ESCO2: variants seen among roughly 807,000 people sequenced by gnomAD.
The protein encoded by ESCO2 is establishment of sister chromatid cohesion N-acetyltransferase 2.
A neutral mutation model predicts 61.7 loss-of-function variants in ESCO2; 51 were observed. The ratio of observed to expected loss-of-function variants is 0.83; its 90% CI spans 0.66 to 1.04. ESCO2 has a LOEUF of 1.04. Ranked by LOEUF, ESCO2 falls within the 50% of genes least tolerant of loss-of-function variation. The pLI, the probability that ESCO2 is intolerant of heterozygous loss-of-function variation, is 0.00. For synonymous variants in ESCO2, 230 were observed against 238.2 expected (o/e 0.97, Z 0.32); for missense variants, 692 against 686.2 (o/e 1.01, Z -0.09).
intron 3 of ESCO2, 79 bp from the exon 4 acceptor site, chr8:27,780,095 A>G (rs1804890032): frequency 4.9e-6 from 4 of 817,556 alleles, no homozygotes; most frequent in Admixed American, 2.1e-5. Context: ...TGTTTTAGAA[A>G]TAGATCTGCT....
At chr8:27,816,359 T>TATATATATATATA (rs1563489324), downstream of ESCO2, among the ~76,000 whole-genome samples, 1,498 of 126,192 alleles carry the variant, frequency 0.012, 14 homozygotes, top group Middle Eastern at 0.027. Context: ...ATATATATAT[T>TATATATATATATA]TATTTATTTA....
chr8:27,798,461 TA>T (rs34991890), intron 9 of ESCO2, among the ~76,000 whole-genome samples: 59,167 of 146,328 alleles, frequency 0.4, 11,988 homozygotes, highest in East Asian at 0.61. Flanking sequence ...TCCGTCTCTT[TA>T]AAAAAAAAAA....
chr8:27,804,550 T>A lies in ESCO2; in HGVS notation c.*1112T>A, dbSNP rs1805521248. 1 of 985,338 alleles carries A rather than the reference T, an allele frequency of 1.0e-6. No homozygotes were observed. Among genetic ancestry groups the A allele is most frequent in the Admixed American group, 6.1e-5 (1 of 16,268 alleles). The allele number at this position is 985,338 out of a possible 1,614,324, so 61.0% of individuals were successfully genotyped here. On this transcript the variant is annotated 3_prime_UTR_variant, in exon 11 of 11. Coordinates refer to ENST00000305188, the MANE Select transcript of ESCO2 (RefSeq NM_001017420.3). ...TGTTCACACATTTTTCTAGTGTAAT[T>A]CTTGGATACTTTAAAAAGCAAAACA...
chr8:27,788,052 G>T (rs147574278), intron 6 of ESCO2, 50 bp downstream of exon 6: 3 of 1,338,340 alleles, frequency 2.2e-6, no homozygotes, highest in Middle Eastern at 1.8e-4. Flanking sequence ...TTGCAGAAAA[G>T]CTTGCCAACC....
chr8:27,793,485 T>G (rs866480145), intron 9 of ESCO2, among the ~76,000 whole-genome samples: 2,853 of 151,150 alleles, frequency 0.019, 93 homozygotes, highest in African/African-American at 0.065. Context: ...CTTTGTTTTT[T>G]TTTTTTTTTT....
chr8:27,782,460 C>T lies in ESCO2; in HGVS notation c.956-1540C>T, dbSNP rs140033848. 7.9e-3 allele frequency among the ~76,000 whole-genome samples: 1,203 copies of T among 152,230 alleles called. 13 individuals are homozygous for T. Among genetic ancestry groups the T allele is most frequent in the African/African-American group, 0.027 (1,131 of 41,534 alleles). On this transcript the variant is annotated intron_variant, in intron 4 of 10. Coordinates refer to ENST00000305188, the MANE Select transcript of ESCO2 (RefSeq NM_001017420.3). ...TGTATTTTTAGTAGAGACGGGGTTT[C>T]GCCACGTTGGGCAGGGTGGTCTCAA...
downstream of ESCO2, chr8:27,811,173 A>C: frequency 6.2e-7 from 1 of 1,606,336 alleles, no homozygotes. Context: ...AGGAGCTACA[A>C]ATCACGAAAA....
downstream of ESCO2, among the ~76,000 whole-genome samples, chr8:27,817,294 A>G (rs1805836410): frequency 6.6e-6 from 1 of 152,128 alleles, no homozygotes; most frequent in African/African-American, 2.4e-5. Flanking sequence ...TATGGCTACA[A>G]AGGAACATTT....
At chr8:27,781,156 ATTAC>A (rs1804918927) in intron 4 of ESCO2, among the ~76,000 whole-genome samples, 1 of 152,224 alleles carries the variant, frequency 6.6e-6, no homozygotes, top group Admixed American at 6.5e-5. Flanking sequence ...CCAAAACTTT[ATTAC>A]TTAATAACTA....
downstream of ESCO2, among the ~76,000 whole-genome samples, chr8:27,814,907 A>G (rs1805781334): frequency 6.6e-6 from 1 of 152,194 alleles, no homozygotes; most frequent in South Asian, 2.1e-4. Context: ...CTTCTGCTAT[A>G]ACTAGGATAA....
chr8:27,797,458 G>T (rs910792767), intron 9 of ESCO2, among the ~76,000 whole-genome samples: 1 of 149,398 alleles, frequency 6.7e-6, no homozygotes, highest in Non-Finnish European at 1.5e-5. Flanking sequence ...TTCAGTCTAT[G>T]TGAGTCTTTT....
chr8:27,777,860 AC>A (rs1246803136), intron 3 of ESCO2: 6 of 151,996 alleles, frequency 3.9e-5, no homozygotes, highest in Non-Finnish European at 8.8e-5. Context: ...CTTATATGAT[AC>A]CCAGTACACT....
chr8:27,777,054 T>C lies in ESCO2; in HGVS notation c.746T>C (p.Val249Ala). 6.2e-7 allele frequency: 1 copy of C among 1,607,666 alleles called. No homozygotes were observed. Among genetic ancestry groups the C allele is most frequent in the Admixed American group, 1.7e-5 (1 of 58,396 alleles). The change falls in exon 3 of 11, where the codon GTC becomes GCC. Residue 249 changes from valine to alanine, a missense_variant. Val to Ala is a moderately conservative substitution (Grantham distance 64, BLOSUM62 0). Coordinates refer to ENST00000305188, the MANE Select transcript of ESCO2 (RefSeq NM_001017420.3). ...EVIEDSDVET[V>A]SEKKTFATRQ... ...ATTGAAGATTCTGATGTAGAGACTGTCAGTGAAAAAAAAACTTTTGCGACA... is the reference window on the plus strand; with the variant it reads ...ATTGAAGATTCTGATGTAGAGACTGCCAGTGAAAAAAAAACTTTTGCGACA...
At chr8:27,811,147 A>G (rs753079458), downstream of ESCO2, 1 of 1,613,488 alleles carries the variant, frequency 6.2e-7, no homozygotes, top group Non-Finnish European at 8.5e-7. Context: ...GAAACAAGCA[A>G]GATGGTTATG....
intron 1 of ESCO2, among the ~76,000 whole-genome samples, chr8:27,775,068 C>T (rs1159808111): frequency 6.6e-6 from 1 of 152,194 alleles, no homozygotes. Context: ...TGACGAGCCA[C>T]GTAGCCGCCT....
chr8:27,792,175 C>G, intron 8 of ESCO2, 123 bp downstream of exon 8: 1 of 893,744 alleles, frequency 1.1e-6, no homozygotes, highest in South Asian at 1.4e-5. Flanking sequence ...TGATTACTTT[C>G]ATAGCAATTT....
At chr8:27,816,885 ATAAAT>A (rs763158369), downstream of ESCO2, among the ~76,000 whole-genome samples, 39 of 152,252 alleles carry the variant, frequency 2.6e-4, no homozygotes, top group Middle Eastern at 3.4e-3. Context: ...GTGTGGTAGT[ATAAAT>A]TAAACCACCC....
the ESCO2 span, among the ~76,000 whole-genome samples, chr8:27,818,864 C>T: frequency 1.3e-5 from 2 of 152,084 alleles, no homozygotes; most frequent in South Asian, 4.1e-4. Flanking sequence ...TCTACTGTTA[C>T]TTTTTCCCCC....
intron 9 of ESCO2, among the ~76,000 whole-genome samples, chr8:27,794,309 C>T (rs1317596952): frequency 6.6e-6 from 1 of 152,094 alleles, no homozygotes; most frequent in African/African-American, 2.4e-5. Flanking sequence ...TTCTAACAGG[C>T]GTGAGGTGAT....
Sources: gnomAD v4.1 joint callset for allele counts (sites outside exome capture counted in the v4.1 genomes callset) on GRCh38, gnomAD v4.1.1 for gene constraint, MANE v1.5 for transcripts, NCBI Gene and HGNC (gene_info 2026-07-23, HGNC 2026-07-21) for gene names.